Variants in DNAJC3 observed in about 807,000 individuals in gnomAD.
DNAJC3 encodes dnaJ homolog subfamily C member 3.
A neutral mutation model predicts 68.6 loss-of-function variants in DNAJC3; 38 were observed. That is an observed-to-expected ratio of 0.55 (90% CI 0.43 to 0.73). The LOEUF (loss-of-function observed/expected upper bound fraction) is 0.73, where lower values mean the gene tolerates loss of function less well. Ranked by LOEUF, DNAJC3 falls within the 30% of genes least tolerant of loss-of-function variation. The pLI is 0.00. For synonymous variants in DNAJC3, 203 were observed against 204.0 expected, an observed-to-expected ratio of 1.00 and a Z score of 0.04; for missense variants, 526 against 591.9, an observed-to-expected ratio of 0.89 and a Z score of 1.16.
intron 9 of DNAJC3, among the ~76,000 whole-genome samples, chr13:95,773,158 T>TTG (rs1883202197): frequency 6.6e-6 from 1 of 150,716 alleles, no homozygotes; most frequent in African/African-American, 2.4e-5. Flanking sequence ...TTTAGTTTTT[T>TTG]TTTTTTTTTT....
rs1231445420 is a variant in DNAJC3 at position 95,792,287 on chromosome 13, C to G, written c.*1257C>G. The G allele has an allele frequency of 2.6e-5, 4 of 152,252 alleles. No homozygotes were observed. Among genetic ancestry groups the G allele is most frequent in the South Asian group, 2.1e-4 (1 of 4,826 alleles). 9.4% of individuals were successfully genotyped at this position (152,252 alleles called of 1,614,324 possible). ...TCTTTGTATACTGAATGCTTTTTCCCTAAAAAATGTTAATCAAGAATATTG... is the reference window on the plus strand; with the variant it reads ...TCTTTGTATACTGAATGCTTTTTCCGTAAAAAATGTTAATCAAGAATATTG... On this transcript the variant is annotated 3_prime_UTR_variant, in exon 12 of 12. Transcript: ENST00000602402.
chr13:95,713,106 C>T (rs940231576), intron 2 of DNAJC3, among the ~76,000 whole-genome samples: 5 of 152,198 alleles, frequency 3.3e-5, no homozygotes, highest in Admixed American at 1.3e-4. Context: ...TTACTCATGC[C>T]GAACTGTGAG....
chr13:95,761,263 C>CT (rs890787064), intron 7 of DNAJC3, among the ~76,000 whole-genome samples: 71 of 147,052 alleles, frequency 4.8e-4, no homozygotes, highest in African/African-American at 1.4e-3. Context: ...AAAAGAGGAG[C>CT]TTTTTTTTTT....
At chr13:95,723,193 T>G in intron 2 of DNAJC3, 49 bp from the exon 3 acceptor site, 3 of 1,523,738 alleles carry the variant, frequency 2.0e-6, no homozygotes, top group African/African-American at 1.4e-5. Context: ...TTTTTTAAAT[T>G]TTTATTTTTG....
chr13:95,753,273 C>A lies in DNAJC3; in HGVS notation c.394-4371C>A, dbSNP rs371911614. ...TTTAGAATGCTTTAATTCAGTCGCTCACCCCCTGACTTGTATACTATTGTT... is the reference window on the plus strand; with the variant it reads ...TTTAGAATGCTTTAATTCAGTCGCTAACCCCCTGACTTGTATACTATTGTT... On this transcript the variant is annotated intron_variant, in intron 4 of 11. Coordinates refer to ENST00000602402, the MANE Select transcript of DNAJC3 (RefSeq NM_006260.5). Among the ~76,000 whole-genome samples the A allele has an allele frequency of 3.1e-4, 47 of 152,282 alleles. No individual in the cohort carries two copies. The East Asian group carries it at 5.0e-3, about 16-fold the overall frequency.
chr13:95,755,076 G>C (rs2139670436), intron 4 of DNAJC3, among the ~76,000 whole-genome samples: 1 of 152,186 alleles, frequency 6.6e-6, no homozygotes, highest in Middle Eastern at 3.4e-3. Context: ...TGTCAGCAAG[G>C]GCCATTCTCT....
intron 9 of DNAJC3, among the ~76,000 whole-genome samples, chr13:95,785,344 G>A (rs1335049635): frequency 6.6e-6 from 1 of 151,912 alleles, no homozygotes; most frequent in Non-Finnish European, 1.5e-5. Context: ...TTACCCAGAG[G>A]GTATGGGGAG....
At chr13:95,741,526 G>A (rs904436782) in intron 4 of DNAJC3, among the ~76,000 whole-genome samples, 8 of 152,192 alleles carry the variant, frequency 5.3e-5, no homozygotes, top group African/African-American at 1.2e-4. Flanking sequence ...GTGGGTCCAC[G>A]TGGACCAATT....
chr13:95,680,377 G>T (rs1566463090), intron 1 of DNAJC3, among the ~76,000 whole-genome samples: 2 of 152,070 alleles, frequency 1.3e-5, no homozygotes, highest in Non-Finnish European at 2.9e-5. Context: ...ATAAAATATT[G>T]TGATAAGTTT....
chr13:95,760,586 C>T, intron 6 of DNAJC3, 93 bp from the exon 7 acceptor site: 2 of 1,479,276 alleles, frequency 1.4e-6, no homozygotes, highest in South Asian at 1.4e-5. Context: ...TTAATCGTTG[C>T]AAACAAAAAA....
chr13:95,770,314 A>G (rs537654068), intron 9 of DNAJC3, among the ~76,000 whole-genome samples: 2 of 152,336 alleles, frequency 1.3e-5, no homozygotes, highest in Admixed American at 6.5e-5. Flanking sequence ...CAGACTAAGT[A>G]TATGAACGAA....
chr13:95,699,774 T>G (rs1308107019), intron 1 of DNAJC3, among the ~76,000 whole-genome samples: 1 of 152,192 alleles, frequency 6.6e-6, no homozygotes, highest in Admixed American at 6.5e-5. Context: ...CATAGTAGAT[T>G]GTTAAGTCTG....
chr13:95,709,046 C>G (rs1167675432), intron 1 of DNAJC3, among the ~76,000 whole-genome samples, 181 bp from the exon 2 acceptor site: 1 of 152,122 alleles, frequency 6.6e-6, no homozygotes, highest in East Asian at 1.9e-4. Context: ...TTGTCTTGTG[C>G]TCCATATAAT....
intron 9 of DNAJC3, among the ~76,000 whole-genome samples, chr13:95,776,994 C>T (rs964750163): frequency 8.5e-5 from 13 of 152,186 alleles, no homozygotes; most frequent in African/African-American, 2.4e-4. Context: ...CTTGGTTCTA[C>T]GTGAAATTCA....
At chr13:95,685,374 G>A (rs73550512) in intron 1 of DNAJC3, among the ~76,000 whole-genome samples, 2,598 of 152,274 alleles carry the variant, frequency 0.017, 78 homozygotes, top group African/African-American at 0.06. Flanking sequence ...TTACCCTTTT[G>A]GAATGGGACT....
chr13:95,704,330 G>T lies in DNAJC3; in HGVS notation c.83-4897G>T, dbSNP rs1253762154. Reference sequence around the variant, plus strand: ...TTGATTCCTGGACTGACATATTCTGGCTGTGGGCAAGATAGCATCATATAA... The same window carrying T: ...TTGATTCCTGGACTGACATATTCTGTCTGTGGGCAAGATAGCATCATATAA... On this transcript the variant is annotated intron_variant, in intron 1 of 11. Transcript: ENST00000602402. Among the ~76,000 whole-genome samples, 6 of 152,286 alleles carry T rather than the reference G, an allele frequency of 3.9e-5. No homozygotes were observed. The East Asian group carries it at 7.7e-4, about 20-fold the overall frequency.
chr13:95,737,801 GTTTT>G (rs1392103798), intron 4 of DNAJC3, among the ~76,000 whole-genome samples: 6 of 140,870 alleles, frequency 4.3e-5, no homozygotes, highest in Admixed American at 1.4e-4. Context: ...TTTTTGAAGG[GTTTT>G]TTGTGTCTCT....
chr13:95,706,128 A>T (rs1880737303), intron 1 of DNAJC3, among the ~76,000 whole-genome samples: 1 of 152,246 alleles, frequency 6.6e-6, no homozygotes, highest in South Asian at 2.1e-4. Context: ...TAACACATTA[A>T]ATGTGGGATC....
At chr13:95,780,793 T>G (rs1053047897) in intron 9 of DNAJC3, among the ~76,000 whole-genome samples, 1 of 152,216 alleles carries the variant, frequency 6.6e-6, no homozygotes, top group Admixed American at 6.5e-5. Flanking sequence ...GGGTGGAAGC[T>G]GGGAACACCT....
Sources: allele counts gnomAD v4.1 joint callset (sites outside exome capture counted in the v4.1 genomes callset), GRCh38; gene constraint gnomAD v4.1.1; transcripts MANE v1.5; gene names NCBI Gene and HGNC (gene_info 2026-07-23, HGNC 2026-07-21).